PDGFA: variants seen among roughly 807,000 people sequenced by gnomAD.
PDGFA encodes platelet-derived growth factor subunit A.
Under a neutral mutation model 25.6 loss-of-function variants are expected in PDGFA, and 9 were observed. The observed-to-expected ratio is 0.35, with a 90% CI of 0.21 to 0.61. The LOEUF (loss-of-function observed/expected upper bound fraction) is 0.61. Ranked by LOEUF, PDGFA falls within the 20% of genes least tolerant of loss-of-function variation. The pLI, the probability that PDGFA is intolerant of heterozygous loss-of-function variation, is 0.75. For missense variants in PDGFA, 242 were observed against 272.8 expected, an observed-to-expected ratio of 0.89 and a Z score of 0.79; for synonymous variants, 133 against 111.8, an observed-to-expected ratio of 1.19 and a Z score of -1.20.
At chr7:512,862 A>G in intron 2 of PDGFA, 1 of 333,164 alleles carries the variant, frequency 3.0e-6, no homozygotes, top group South Asian at 2.5e-5. Flanking sequence ...CGAGGGGCAC[A>G]GGGCTAAGCC....
At chr7:512,887 T>C (rs1458040394) in intron 2 of PDGFA, 2 of 272,710 alleles carry the variant, frequency 7.3e-6, no homozygotes, top group Non-Finnish European at 1.5e-5. Context: ...CCCACCTCTG[T>C]CTGGGGGCTG....
At chr7:503,144 G>C (rs1280371952) in intron 4 of PDGFA, among the ~76,000 whole-genome samples, 1 of 152,120 alleles carries the variant, frequency 6.6e-6, no homozygotes, top group Non-Finnish European at 1.5e-5. Context: ...AAACTGAGGC[G>C]CAGGCAAGCT....
intron 2 of PDGFA, 112 bp from the exon 3 acceptor site, chr7:512,567 C>A (rs746743070): frequency 1.9e-6 from 3 of 1,562,070 alleles, no homozygotes; most frequent in Non-Finnish European, 2.6e-6. Context: ...GGAACAGGCA[C>A]CTGGCGGCAC....
At chr7:511,287 GGGGGTGGGGA>G (rs1273595916) in intron 3 of PDGFA, among the ~76,000 whole-genome samples, 1,136 of 93,488 alleles carry the variant, frequency 0.012, 31 homozygotes, top group African/African-American at 0.058. Context: ...GCCAGTGGCT[GGGGGTGGGGA>G]GAGGGGAACT....
Position 500,828 on chromosome 7 carries a change from A to T in PDGFA, c.580+288T>A. 3 of 1,488,766 alleles carry T rather than the reference A, an allele frequency of 2.0e-6. No individual in the cohort carries two copies. The highest frequency in any genetic ancestry group is 2.5e-5 in the East Asian group (1 of 39,376). 92.2% of individuals were successfully genotyped at this position (1,488,766 alleles called of 1,614,324 possible). ...TCTTCTCAGCTCAGCCCCGCAGCCC[A>T]CTAATGAATTGGGTGTCTTATGCAC... On this transcript the variant is annotated intron_variant, in intron 5 of 5. Coordinates refer to ENST00000402802, the Ensembl canonical transcript of PDGFA. The surrounding 1 kb of genome is among the most constrained non-coding windows in gnomAD (Gnocchi z 5.0).
At position 518,921 on chromosome 7, in the gene PDGFA, C is replaced by T. The variant is rs1783234489; in HGVS notation, c.63+18G>A. ...CGGAGGAGCCGGCGCAGGGACGGGG[C>T]GCGGGGGCGGCACCAACCTCGGCCA... On this transcript the variant is annotated intron_variant, in intron 1 of 5. Transcript: ENST00000402802. The T allele has an allele frequency of 1.3e-5, 20 of 1,502,060 alleles. No homozygotes were observed. Among genetic ancestry groups the T allele is most frequent in the Non-Finnish European group, 1.8e-5 (20 of 1,125,498 alleles). 93.0% of individuals were successfully genotyped at this position (1,502,060 alleles called of 1,614,324 possible).
At chr7:511,430 G>C in intron 3 of PDGFA, among the ~76,000 whole-genome samples, 1 of 152,044 alleles carries the variant, frequency 6.6e-6, no homozygotes, top group Middle Eastern at 3.4e-3. Context: ...GGCTGGGGGA[G>C]GAGGGGGCCT....
exon 4 of PDGFA, chr7:510,819 C>T (rs140399739): frequency 7.8e-5 from 122 of 1,567,054 alleles, no homozygotes; most frequent in Admixed American, 1.4e-4. Context: ...CTTGACGCTG[C>T]GGTGGTGGAC....
At chr7:505,617 C>G (rs1475293780) in intron 4 of PDGFA, among the ~76,000 whole-genome samples, 1 of 152,142 alleles carries the variant, frequency 6.6e-6, no homozygotes, top group African/African-American at 2.4e-5. Context: ...CGCACGTGCC[C>G]GTCACTGTAA....
chr7:513,271 A>C (rs1242359009), intron 2 of PDGFA: 1 of 153,114 alleles, frequency 6.5e-6, no homozygotes, highest in African/African-American at 2.4e-5. Context: ...CTGACCGGGG[A>C]GCAGAACTGA....
At chr7:516,247 C>T in intron 2 of PDGFA, among the ~76,000 whole-genome samples, 1 of 141,300 alleles carries the variant, frequency 7.1e-6, no homozygotes, top group Admixed American at 7.1e-5. Flanking sequence ...CCAGGGATTT[C>T]CTGGGTCAAG....
rs566490637 is a variant in PDGFA at position 516,610 on chromosome 7, G to A, written c.160+784C>T. On this transcript the variant is annotated intron_variant, in intron 2 of 5. Transcript: ENST00000402802. Reference sequence around the variant, plus strand: ...GAGAGACCTCGCCTTCTAGGAAGGGGCTCTCTAGCCCTGAGCGGGCGGGCG... The same window carrying A: ...GAGAGACCTCGCCTTCTAGGAAGGGACTCTCTAGCCCTGAGCGGGCGGGCG... Among the ~76,000 whole-genome samples the A allele has an allele frequency of 4.2e-3, 638 of 152,346 alleles. 3 individuals are homozygous for A. Among genetic ancestry groups the A allele is most frequent in the Non-Finnish European group, 5.2e-3 (356 of 68,022 alleles).
At chr7:503,332 C>A (rs1782428951) in intron 4 of PDGFA, among the ~76,000 whole-genome samples, 1 of 152,154 alleles carries the variant, frequency 6.6e-6, no homozygotes, top group Non-Finnish European at 1.5e-5. Context: ...GCAAGAACAG[C>A]CACTATGGAT....
chr7:511,289 GGGTGGGGAGAGGGGAACTTAGTCCAGGT>G (rs1562490178), intron 3 of PDGFA, among the ~76,000 whole-genome samples: 40 of 82,152 alleles, frequency 4.9e-4, no homozygotes, highest in African/African-American at 3.0e-3. Context: ...CAGTGGCTGG[GGGTGGGGAGAGGGGAACTTAGTCCAGGT>G]GGGGCCAGAG....
intron 2 of PDGFA, among the ~76,000 whole-genome samples, chr7:516,048 C>G (rs1224615727): frequency 1.4e-5 from 1 of 70,558 alleles, no homozygotes; most frequent in East Asian, 5.9e-4. Context: ...CAGCCCCCCC[C>G]CCCCACTTTT....
At chr7:505,421 C>A (rs557242184) in intron 4 of PDGFA, among the ~76,000 whole-genome samples, 1 of 152,214 alleles carries the variant, frequency 6.6e-6, no homozygotes, top group African/African-American at 2.4e-5. Flanking sequence ...CCAGGGATGC[C>A]GTCACCCCTC....
chr7:501,861 A>C (rs1166340296), intron 4 of PDGFA, among the ~76,000 whole-genome samples: 2 of 152,176 alleles, frequency 1.3e-5, no homozygotes, highest in African/African-American at 4.8e-5. Context: ...GTGGCCAGGG[A>C]AAGTGTTTGC....
intron 4 of PDGFA, among the ~76,000 whole-genome samples, chr7:502,945 C>G (rs9691630): frequency 0.55 from 82,677 of 151,134 alleles, 22,903 homozygotes; most frequent in Non-Finnish European, 0.58. Flanking sequence ...TACACAGGGG[C>G]CCCATCGTGG....
rs376645265 is a variant in PDGFA at position 500,381 on chromosome 7, T to A, written c.580+735A>T. ...GTGATTTGCTGGTGTGATCAGTCAG[T>A]TGCACCTCCCCGCCCTGCAGGACTC... On this transcript the variant is annotated intron_variant, in intron 5 of 5. Coordinates refer to ENST00000402802, the Ensembl canonical transcript of PDGFA. This position sits in a 1 kb window ranked among gnomAD's most constrained non-coding sequence, Gnocchi z 5.0. 1.7e-5 allele frequency: 27 copies of A among 1,590,978 alleles called. No individual in the cohort carries two copies. In the African/African-American group the frequency reaches 3.2e-4, roughly 19 times the overall value.
Sources: allele counts gnomAD v4.1 joint callset (sites outside exome capture counted in the v4.1 genomes callset), GRCh38; gene constraint gnomAD v4.1.1; non-coding constraint Gnocchi (gnomAD v3.1); transcripts MANE v1.5; gene names NCBI Gene and HGNC (gene_info 2026-07-23, HGNC 2026-07-21).